Variants in MAP4 observed in about 807,000 individuals in gnomAD.
MAP4 encodes microtubule-associated protein 4.
Under a neutral mutation model 170.2 loss-of-function variants are expected in MAP4, and 76 were observed. The observed-to-expected ratio is 0.45, with a 90% confidence interval of 0.37 to 0.54. The LOEUF (loss-of-function observed/expected upper bound fraction) is 0.54, where lower values mean the gene tolerates loss of function less well. MAP4 is among the 20% of genes least tolerant of loss of function. The pLI is 0.00. For synonymous variants in MAP4, 909 were observed against 994.5 expected (o/e 0.91, Z 1.62); for missense variants, 2,506 against 2,748.0 (o/e 0.91, Z 1.97).
At chr3:48,029,676 G>T (rs998290962) in intron 1 of MAP4, among the ~76,000 whole-genome samples, 1 of 152,132 alleles carries the variant, frequency 6.6e-6, no homozygotes, top group South Asian at 2.1e-4. Flanking sequence ...GATATTTTAA[G>T]ATCTAGTTCC....
Position 47,983,078 on chromosome 3 carries a change from T to A in MAP4, c.224-5145A>T, listed in dbSNP as rs902058564. 2.6e-5 allele frequency among the ~76,000 whole-genome samples: 4 copies of A among 152,294 alleles called. 1 individual carries two copies. The highest frequency in any genetic ancestry group is 6.8e-3 in the Middle Eastern group (2 of 294). On this transcript the variant is annotated intron_variant, in intron 2 of 20. Coordinates refer to ENST00000683076, the MANE Select transcript of MAP4 (RefSeq NM_001385682.1). ...CGCCACCACTCTCAGCTAATTTTTT[T>A]ATCTTCATTAGAGACAGGTTTTCAC...
intron 2 of MAP4, chr3:47,987,240 C>T (rs2100089264): frequency 7.5e-6 from 4 of 535,790 alleles, no homozygotes; most frequent in Non-Finnish European, 1.2e-5. Context: ...CTAAATGTGT[C>T]ATTCTCCATG....
At chr3:48,004,219 T>G (rs904459018) in intron 1 of MAP4, among the ~76,000 whole-genome samples, 1 of 152,176 alleles carries the variant, frequency 6.6e-6, no homozygotes, top group Admixed American at 6.5e-5. Context: ...TTTCTGGAGT[T>G]GGCTGCTTAA....
At chr3:48,047,010 C>G (rs1445946802) in intron 1 of MAP4, among the ~76,000 whole-genome samples, 2 of 151,896 alleles carry the variant, frequency 1.3e-5, no homozygotes, top group Admixed American at 1.3e-4. Flanking sequence ...AGGAGAATGG[C>G]GTGAACCCAG....
intron 4 of MAP4, among the ~76,000 whole-genome samples, chr3:47,924,720 T>C (rs1233701858): frequency 6.6e-6 from 1 of 152,170 alleles, no homozygotes; most frequent in Admixed American, 6.6e-5. Context: ...GGCCGTTGAA[T>C]GGAGGCCTCT....
chr3:47,946,011 T>A (rs898271583), intron 3 of MAP4, among the ~76,000 whole-genome samples: 3 of 151,966 alleles, frequency 2.0e-5, no homozygotes, highest in Non-Finnish European at 4.4e-5. Flanking sequence ...TTCGGCTCAC[T>A]GCAAGCTCTG....
rs2100150541 is a variant in MAP4 at position 48,088,445 on chromosome 3, C to A, written c.-20+328G>T. 4.6e-5 allele frequency among the ~76,000 whole-genome samples: 7 copies of A among 152,296 alleles called. No individual in the cohort carries two copies. The South Asian group carries it at 1.4e-3, about 32-fold the overall frequency. ...CCAGGGCCCCAGACTGCGGCCGACC[C>A]TCGCTCCGCGGCTCAGCCCCATCCA... On this transcript the variant is annotated intron_variant, in intron 1 of 18. Transcript: ENST00000360240.
intron 3 of MAP4, among the ~76,000 whole-genome samples, chr3:47,930,846 G>C (rs980743871): frequency 1.3e-5 from 2 of 150,780 alleles, no homozygotes; most frequent in African/African-American, 4.9e-5. Flanking sequence ...GGAGAATGGC[G>C]TGAACCTGGT....
At chr3:47,883,701 C>T (rs2097149680) in intron 10 of MAP4, among the ~76,000 whole-genome samples, 1 of 152,022 alleles carries the variant, frequency 6.6e-6, no homozygotes, top group South Asian at 2.1e-4. Context: ...TTATTTATTT[C>T]CCCTTCATTC....
chr3:47,926,830 C>G (rs2153770806), intron 4 of MAP4, among the ~76,000 whole-genome samples: 1 of 152,268 alleles, frequency 6.6e-6, no homozygotes, highest in East Asian at 1.9e-4. Context: ...GTCACTGAAT[C>G]TGGCCGAACT....
At chr3:47,921,955 T>G in intron 4 of MAP4, 77 bp from the exon 5 acceptor site, 1 of 652,412 alleles carries the variant, frequency 1.5e-6, no homozygotes, top group Non-Finnish European at 2.7e-6. Flanking sequence ...CTTTCTTTCT[T>G]TTTTTTTTTT....
intron 10 of MAP4, chr3:47,892,906 G>A (rs1395605043): frequency 4.0e-6 from 4 of 988,894 alleles, no homozygotes; most frequent in African/African-American, 3.5e-5. Context: ...CTGATACCAT[G>A]CCCACCCTTC....
intron 18 of MAP4, among the ~76,000 whole-genome samples, chr3:47,856,212 C>T (rs1419364810): frequency 2.0e-5 from 3 of 152,338 alleles, no homozygotes; most frequent in East Asian, 1.9e-4. Flanking sequence ...TCTCAGCTCA[C>T]ATGGCAGACC....
rs577617536 is a variant in MAP4 at position 47,986,107 on chromosome 3, G to A, written c.224-8174C>T. 3.3e-5 allele frequency among the ~76,000 whole-genome samples: 5 copies of A among 152,290 alleles called. No individual in the cohort carries two copies. The East Asian group carries it at 5.8e-4, about 18-fold the overall frequency. On this transcript the variant is annotated intron_variant, in intron 2 of 20. Coordinates refer to ENST00000683076, the MANE Select transcript of MAP4 (RefSeq NM_001385682.1). ...ATGGTAGGTTCTTGGCTCTGTTCTT[G>A]CAGTGTGAAGTTTAACAAAGTCATT... is the stretch of plus-strand genomic sequence containing the variant.
intron 1 of MAP4, among the ~76,000 whole-genome samples, chr3:48,058,803 G>A (rs1268121028): frequency 6.6e-6 from 1 of 152,098 alleles, no homozygotes; most frequent in Non-Finnish European, 1.5e-5. Context: ...TTTTTGAGAT[G>A]AGGTCTTGCT....
chr3:48,035,703 G>A (rs1210351673), intron 1 of MAP4, among the ~76,000 whole-genome samples: 2 of 152,148 alleles, frequency 1.3e-5, no homozygotes, highest in East Asian at 3.8e-4. Context: ...ACTTTGGGAG[G>A]CCAAGGCAGG....
At chr3:47,946,577 C>G (rs564332316) in intron 3 of MAP4, among the ~76,000 whole-genome samples, 4 of 145,476 alleles carry the variant, frequency 2.7e-5, no homozygotes, top group Non-Finnish European at 3.0e-5. Context: ...TCGCTTGAAC[C>G]CAGGAGGCAG....
intron 1 of MAP4, among the ~76,000 whole-genome samples, chr3:48,043,204 G>T (rs1350836843): frequency 6.6e-6 from 1 of 152,164 alleles, no homozygotes; most frequent in African/African-American, 2.4e-5. Flanking sequence ...GAGTTCAAGC[G>T]ATTCTTGTGC....
chr3:47,873,292 T>C (rs898527843), intron 12 of MAP4, among the ~76,000 whole-genome samples: 2 of 152,182 alleles, frequency 1.3e-5, no homozygotes, highest in African/African-American at 4.8e-5. Flanking sequence ...ATGACGTCTC[T>C]AGTGAATAAG....
Sources: allele counts gnomAD v4.1 joint callset (sites outside exome capture counted in the v4.1 genomes callset), GRCh38; gene constraint gnomAD v4.1.1; transcripts MANE v1.5; gene names NCBI Gene and HGNC (gene_info 2026-07-23, HGNC 2026-07-21).